Variants in KCNIP1 observed in about 807,000 individuals in gnomAD.
KCNIP1 encodes potassium voltage-gated channel interacting protein 1, also known as A-type potassium channel modulatory protein KCNIP1.
Under a neutral mutation model 33.0 loss-of-function variants are expected in KCNIP1, and 18 were observed. The observed-to-expected ratio is 0.55, with a 90% CI of 0.38 to 0.81. KCNIP1 has a LOEUF of 0.81. Ranked by LOEUF, KCNIP1 falls within the 30% of genes least tolerant of loss-of-function variation. The pLI, the probability that KCNIP1 is intolerant of heterozygous loss-of-function variation, is 0.00. For synonymous variants in KCNIP1, 93 were observed against 98.3 expected, an observed-to-expected ratio of 0.95 and a Z score of 0.32; for missense variants, 238 against 271.6, an observed-to-expected ratio of 0.88 and a Z score of 0.87.
intron 1 of KCNIP1, among the ~76,000 whole-genome samples, chr5:170,635,314 G>A (rs1000821307): frequency 2.0e-5 from 3 of 152,196 alleles, no homozygotes; most frequent in African/African-American, 7.2e-5. Context: ...ACAGGAGTGA[G>A]CCATCACGCC....
chr5:170,502,724 G>C (rs1757439558), upstream of KCNIP1, among the ~76,000 whole-genome samples: 3 of 152,264 alleles, frequency 2.0e-5, no homozygotes, highest in South Asian at 6.2e-4. Context: ...TGCTAGCATG[G>C]TGTGTATCTG....
chr5:170,675,464 C>T (rs1762096153), intron 1 of KCNIP1, among the ~76,000 whole-genome samples: 2 of 151,992 alleles, frequency 1.3e-5, no homozygotes, highest in African/African-American at 4.8e-5. Context: ...CTAAAAAATA[C>T]AAAAATATTA....
At chr5:170,405,429 C>A (rs1755010239) in intron 1 of KCNIP1, among the ~76,000 whole-genome samples, 1 of 152,296 alleles carries the variant, frequency 6.6e-6, no homozygotes, top group Admixed American at 6.5e-5. Context: ...GTCTTGAATT[C>A]TTGACCTCAG....
intron 1 of KCNIP1, among the ~76,000 whole-genome samples, chr5:170,490,279 G>T (rs937873053): frequency 6.6e-6 from 1 of 152,236 alleles, no homozygotes; most frequent in African/African-American, 2.4e-5. Context: ...GATAGGCCAT[G>T]TCCCTGACCC....
At chr5:170,642,214 A>T (rs1760592646) in intron 1 of KCNIP1, 1 of 152,512 alleles carries the variant, frequency 6.6e-6, no homozygotes, top group South Asian at 2.1e-4. Flanking sequence ...TCTCTGGGCC[A>T]CTTGGTGCTG....
chr5:170,512,263 G>A (rs1754960561), intron 1 of KCNIP1, among the ~76,000 whole-genome samples: 2 of 152,150 alleles, frequency 1.3e-5, no homozygotes, highest in South Asian at 2.1e-4. Context: ...CAGAACCAGG[G>A]ACCAGGATCA....
upstream of KCNIP1, among the ~76,000 whole-genome samples, chr5:170,501,312 T>C (rs1757406156): frequency 6.6e-6 from 1 of 151,732 alleles, no homozygotes; most frequent in African/African-American, 2.4e-5. Context: ...GAACAGCACG[T>C]GCAAAGGCCC....
At chr5:170,592,443 C>T (rs1293403535) in intron 1 of KCNIP1, among the ~76,000 whole-genome samples, 2 of 135,358 alleles carry the variant, frequency 1.5e-5, no homozygotes, top group Non-Finnish European at 2.9e-5. Context: ...AATGACACAG[C>T]TTGTATTGAA....
intron 1 of KCNIP1, among the ~76,000 whole-genome samples, chr5:170,467,238 G>A (rs971162973): frequency 5.3e-5 from 8 of 152,258 alleles, no homozygotes; most frequent in South Asian, 2.1e-4. Context: ...TGCAGAGGTC[G>A]ACGTTTTTAG....
chr5:170,601,391 C>T (rs1024853515), intron 1 of KCNIP1, among the ~76,000 whole-genome samples: 7 of 152,172 alleles, frequency 4.6e-5, no homozygotes, highest in South Asian at 2.1e-4. Flanking sequence ...GAACATCATC[C>T]GGGAGCTGGA....
chr5:170,540,885 A>G (rs1368783895), intron 1 of KCNIP1, among the ~76,000 whole-genome samples: 2 of 152,202 alleles, frequency 1.3e-5, no homozygotes, highest in Non-Finnish European at 2.9e-5. Flanking sequence ...ACCGAAAGGT[A>G]GGTGGAGGCT....
At chr5:170,509,220 C>T (rs2113256906) in intron 1 of KCNIP1, among the ~76,000 whole-genome samples, 1 of 152,280 alleles carries the variant, frequency 6.6e-6, no homozygotes, top group African/African-American at 2.4e-5. Flanking sequence ...TACCATTTAG[C>T]AGGAAAGTGC....
intron 1 of KCNIP1, among the ~76,000 whole-genome samples, chr5:170,359,124 G>A (rs146641529): frequency 1.3e-5 from 2 of 152,290 alleles, no homozygotes; most frequent in African/African-American, 2.4e-5. Context: ...CCATACCCAT[G>A]CTCTCTCAGT....
intron 1 of KCNIP1, chr5:170,681,046 C>T (rs925776901): frequency 5.0e-6 from 2 of 399,326 alleles, no homozygotes; most frequent in African/African-American, 2.1e-5. Context: ...TAGCGCTTGC[C>T]GGTGCGCCAG....
chr5:170,385,210 G>A, intron 1 of KCNIP1: 2 of 1,290,222 alleles, frequency 1.6e-6, no homozygotes, highest in South Asian at 2.5e-5. Context: ...CTGCTGCCTT[G>A]AATGAGGGTC....
At chr5:170,387,865 A>G (rs886990352) in intron 1 of KCNIP1, among the ~76,000 whole-genome samples, 5 of 152,136 alleles carry the variant, frequency 3.3e-5, no homozygotes, top group Non-Finnish European at 5.9e-5. Flanking sequence ...ACTTGGCCCC[A>G]CCCCAGATAC....
At chr5:170,389,962 G>A (rs1764649454) in intron 1 of KCNIP1, among the ~76,000 whole-genome samples, 1 of 152,116 alleles carries the variant, frequency 6.6e-6, no homozygotes, top group Non-Finnish European at 1.5e-5. Context: ...GAGACGGTGG[G>A]GATTTATGGC....
At chr5:170,721,672 C>G in intron 3 of KCNIP1, 161 bp from the exon 4 acceptor site, 6 of 1,498,524 alleles carry the variant, frequency 4.0e-6, no homozygotes, top group Non-Finnish European at 5.5e-6. Flanking sequence ...CACACCCAAA[C>G]CCAAAGAGTT....
rs113476489 is a variant in KCNIP1 at position 170,551,360 on chromosome 5, C to T, written c.61+46727C>T. On this transcript the variant is annotated intron_variant, in intron 1 of 7. Transcript: ENST00000328939. The stretch of plus-strand genomic sequence containing the variant: ...GAGGGAACATACCACATCTGACCTA[C>T]GGTTCATTGCCAGCCCCCTCCCAGA... Among the ~76,000 whole-genome samples the T allele has an allele frequency of 1.7e-3, 257 of 152,316 alleles. 3 individuals carry two copies. Among genetic ancestry groups the T allele is most frequent in the African/African-American group, 5.8e-3 (242 of 41,556 alleles).
Sources: gnomAD v4.1 joint callset for allele counts (sites outside exome capture counted in the v4.1 genomes callset) on GRCh38, gnomAD v4.1.1 for gene constraint, MANE v1.5 for transcripts, NCBI Gene and HGNC (gene_info 2026-07-23, HGNC 2026-07-21) for gene names.